Variants in ZNF804B observed in about 807,000 individuals in gnomAD.
The protein encoded by ZNF804B is zinc finger 804B.
ZNF804B carries 80 observed loss-of-function variants against 101.4 expected under a neutral mutation model. The observed-to-expected ratio is 0.79, with a 90% CI of 0.66 to 0.95. ZNF804B has a LOEUF of 0.95. Among genes scored for constraint, ZNF804B ranks in the 40% least tolerant of loss-of-function variants. The pLI, the probability that ZNF804B is intolerant of heterozygous loss-of-function variation, is 0.00. For synonymous variants in ZNF804B, 622 were observed against 558.8 expected, an observed-to-expected ratio of 1.11 and a Z score of -1.59; for missense variants, 1,673 against 1,561.9, an observed-to-expected ratio of 1.07 and a Z score of -1.20.
intron 1 of ZNF804B, among the ~76,000 whole-genome samples, chr7:89,118,576 GA>G (rs142429532): frequency 5.3e-5 from 8 of 150,534 alleles, no homozygotes; most frequent in South Asian, 2.1e-4. Flanking sequence ...TTTTTCACAA[GA>G]AAAAAAAATG....
chr7:89,096,865 T>C (rs1789978666), intron 1 of ZNF804B, among the ~76,000 whole-genome samples: 1 of 152,174 alleles, frequency 6.6e-6, no homozygotes, highest in Non-Finnish European at 1.5e-5. Flanking sequence ...AAGGTTAAAA[T>C]TATGCAATGA....
intron 2 of ZNF804B, among the ~76,000 whole-genome samples, chr7:89,279,462 C>T (rs1359585197): frequency 1.3e-5 from 2 of 149,974 alleles, no homozygotes; most frequent in Non-Finnish European, 3.0e-5. Context: ...AGTTTTTGCC[C>T]ATTCAGTATG....
intron 2 of ZNF804B, among the ~76,000 whole-genome samples, chr7:89,322,308 T>A (rs1790833081): frequency 6.6e-6 from 1 of 152,176 alleles, no homozygotes. Flanking sequence ...GACCATAGGC[T>A]GAGTCAGTAT....
chr7:89,099,308 A>G (rs4304261), intron 1 of ZNF804B, among the ~76,000 whole-genome samples: 1 of 152,040 alleles, frequency 6.6e-6, no homozygotes, highest in Admixed American at 6.6e-5. Flanking sequence ...AAGGACAGCT[A>G]TATACAAATA....
chr7:89,317,267 G>T (rs1037354976), intron 2 of ZNF804B, among the ~76,000 whole-genome samples: 1 of 152,198 alleles, frequency 6.6e-6, no homozygotes, highest in Non-Finnish European at 1.5e-5. Flanking sequence ...TTGATTATAG[G>T]TTGAACCATG....
chr7:88,857,822 CT>C (rs55841922), intron 1 of ZNF804B, among the ~76,000 whole-genome samples: 1,698 of 81,126 alleles, frequency 0.021, 1 homozygote, highest in African/African-American at 0.037. Flanking sequence ...CCTTTCTTTT[CT>C]TTTTTTTTTT....
intron 2 of ZNF804B, among the ~76,000 whole-genome samples, chr7:89,314,801 T>C (rs891621721): frequency 1.3e-5 from 2 of 152,178 alleles, no homozygotes; most frequent in African/African-American, 4.8e-5. Flanking sequence ...TTACACTGTC[T>C]TGTCTCCTGT....
intron 1 of ZNF804B, among the ~76,000 whole-genome samples, chr7:89,078,132 C>T (rs1384450382): frequency 1.3e-5 from 2 of 152,038 alleles, no homozygotes; most frequent in Non-Finnish European, 2.9e-5. Context: ...GGATAGTGAG[C>T]TCCATTTGGA....
intron 1 of ZNF804B, among the ~76,000 whole-genome samples, chr7:89,040,147 C>A (rs2888672): frequency 0.46 from 69,785 of 151,684 alleles, 16,701 homozygotes; most frequent in Non-Finnish European, 0.52. Flanking sequence ...TCTCATAAAT[C>A]CCATAGGCTT....
chr7:89,056,987 G>A (rs1426793394), intron 1 of ZNF804B, among the ~76,000 whole-genome samples: 1 of 152,094 alleles, frequency 6.6e-6, no homozygotes, highest in Non-Finnish European at 1.5e-5. Context: ...GTCAAAGAGT[G>A]CAGGGAGAAG....
At chr7:88,846,264 G>A (rs538589000) in intron 1 of ZNF804B, among the ~76,000 whole-genome samples, 1 of 152,274 alleles carries the variant, frequency 6.6e-6, no homozygotes, top group East Asian at 1.9e-4. Context: ...CACCCGCAGA[G>A]TCACTGGTAG....
intron 2 of ZNF804B, among the ~76,000 whole-genome samples, chr7:89,290,976 C>T (rs1254230124): frequency 6.6e-6 from 1 of 152,074 alleles, no homozygotes; most frequent in East Asian, 1.9e-4. Context: ...TGGAAGAAAT[C>T]AAGAGTCTCT....
intron 1 of ZNF804B, among the ~76,000 whole-genome samples, chr7:89,192,929 G>A (rs1304675703): frequency 6.6e-6 from 1 of 151,908 alleles, no homozygotes; most frequent in Non-Finnish European, 1.5e-5. Context: ...TGCAGAAATG[G>A]CCTTCAAAAA....
intron 1 of ZNF804B, among the ~76,000 whole-genome samples, chr7:88,994,129 T>C (rs961561598): frequency 1.6e-4 from 25 of 152,118 alleles, no homozygotes; most frequent in African/African-American, 5.8e-4. Context: ...ATTTTCTCTG[T>C]GCTTGAGTGA....
rs551688741 is a variant in ZNF804B, at chr7:89,142,983, G to A, written c.109-75172G>A. On this transcript the variant is annotated intron_variant, in intron 1 of 3. Coordinates refer to ENST00000333190, the MANE Select transcript of ZNF804B (RefSeq NM_181646.5). Reference sequence around the variant, plus strand: ...AGAGGGAGAGCAGACCTATTTCTGTGAAGTGAAATCAGCCCCTCTTTACAA... The same window carrying A: ...AGAGGGAGAGCAGACCTATTTCTGTAAAGTGAAATCAGCCCCTCTTTACAA... Among the ~76,000 whole-genome samples the A allele has an allele frequency of 2.6e-4, 39 of 152,100 alleles. 2 individuals carry two copies. The South Asian group carries it at 7.5e-3, about 29-fold the overall frequency.
chr7:89,318,620 G>A (rs1299376493), intron 2 of ZNF804B, among the ~76,000 whole-genome samples: 12 of 152,192 alleles, frequency 7.9e-5, no homozygotes, highest in African/African-American at 2.4e-4. Context: ...AAAATTAACC[G>A]CGTGTGGTGG....
intron 1 of ZNF804B, among the ~76,000 whole-genome samples, chr7:88,870,400 A>AAAG (rs1554341922): frequency 1.8e-5 from 2 of 112,674 alleles, no homozygotes; most frequent in Admixed American, 9.0e-5. Context: ...AAAAAAAAAA[A>AAAG]AAAAAAAGGT....
intron 1 of ZNF804B, among the ~76,000 whole-genome samples, chr7:88,820,204 G>A (rs1055448870): frequency 9.2e-5 from 14 of 152,304 alleles, no homozygotes; most frequent in African/African-American, 3.4e-4. Flanking sequence ...GTAGGATACA[G>A]CCAGCCTGTA....
At chr7:88,843,489 GC>G (rs753220726) in intron 1 of ZNF804B, among the ~76,000 whole-genome samples, 26 of 152,198 alleles carry the variant, frequency 1.7e-4, no homozygotes, top group Admixed American at 3.3e-4. Flanking sequence ...TGTAATCCCA[GC>G]ACTTGGGGAG....
Sources: gnomAD v4.1 joint callset for allele counts (sites outside exome capture counted in the v4.1 genomes callset) on GRCh38, gnomAD v4.1.1 for gene constraint, MANE v1.5 for transcripts, NCBI Gene and HGNC (gene_info 2026-07-23, HGNC 2026-07-21) for gene names.